LDLRAD4: variants seen among roughly 807,000 people sequenced by gnomAD.
LDLRAD4 encodes low-density lipoprotein receptor class A domain-containing protein 4.
LDLRAD4 carries 5 observed loss-of-function variants against 17.0 expected under a neutral mutation model. That is an observed-to-expected ratio of 0.29 (90% CI 0.15 to 0.62). The LOEUF (loss-of-function observed/expected upper bound fraction) is 0.62. Ranked by LOEUF, LDLRAD4 falls within the 20% of genes least tolerant of loss-of-function variation. The probability of loss-of-function intolerance (pLI) is 0.84; values close to 1 mark genes in which losing one functional copy is unlikely to be tolerated. For missense variants in LDLRAD4, 340 were observed against 424.7 expected (o/e 0.80, Z 1.75); for synonymous variants, 168 against 171.8 (o/e 0.98, Z 0.17).
At position 13,315,484 on chromosome 18, in the gene LDLRAD4, G is replaced by T. The variant is rs976930243; in HGVS notation, c.-383+37296G>T. On this transcript the variant is annotated intron_variant, in intron 1 of 5. Coordinates refer to ENST00000359446, the Ensembl canonical transcript of LDLRAD4. ...TCAAGAAAGTAGAGGACAAGATGGA[G>T]AATTGCACAAATAAAATGGAATGTA... Among the ~76,000 whole-genome samples, 10 of 152,298 alleles carry T rather than the reference G, an allele frequency of 6.6e-5. No homozygotes were observed. In the South Asian group the frequency reaches 2.1e-3, roughly 32 times the overall value.
chr18:13,319,481 C>T (rs913079789), intron 1 of LDLRAD4, among the ~76,000 whole-genome samples: 2 of 152,112 alleles, frequency 1.3e-5, no homozygotes, highest in East Asian at 1.9e-4. Flanking sequence ...GGACTTGTAC[C>T]CTCTCCCTGC....
intron 1 of LDLRAD4, among the ~76,000 whole-genome samples, chr18:13,352,315 C>T (rs183702172): frequency 1.9e-4 from 29 of 152,216 alleles, no homozygotes; most frequent in African/African-American, 5.3e-4. Flanking sequence ...GAATAGAGGA[C>T]GTCAAATTGT....
chr18:13,280,128 C>G (rs1463010177), intron 1 of LDLRAD4: 1 of 152,238 alleles, frequency 6.6e-6, no homozygotes, highest in African/African-American at 2.4e-5. Context: ...AAAATGCAGC[C>G]TGGTCCCCGT....
intron 1 of LDLRAD4, among the ~76,000 whole-genome samples, chr18:13,257,961 A>G (rs1567940330): frequency 1.3e-5 from 2 of 152,224 alleles, no homozygotes; most frequent in Non-Finnish European, 2.9e-5. Flanking sequence ...TGCCAGGCTG[A>G]GGCAGAAGGA....
chr18:13,549,667 T>G (rs988071473), intron 3 of LDLRAD4, among the ~76,000 whole-genome samples: 1 of 151,752 alleles, frequency 6.6e-6, no homozygotes, highest in African/African-American at 2.4e-5. Context: ...GGAGGAAACT[T>G]AGAGAACAGA....
chr18:13,356,909 G>C (rs1235540663), intron 1 of LDLRAD4, among the ~76,000 whole-genome samples: 1 of 152,178 alleles, frequency 6.6e-6, no homozygotes. Flanking sequence ...CGAGGTGGAG[G>C]GATCACGTGA....
At chr18:13,421,743 T>C (rs941415283) in intron 2 of LDLRAD4, among the ~76,000 whole-genome samples, 2 of 152,158 alleles carry the variant, frequency 1.3e-5, no homozygotes, top group Admixed American at 6.5e-5. Flanking sequence ...TTTGTAGAAT[T>C]AAAAGATACC....
chr18:13,375,807 C>G (rs1283929628), intron 1 of LDLRAD4, among the ~76,000 whole-genome samples: 1 of 152,176 alleles, frequency 6.6e-6, no homozygotes, highest in Admixed American at 6.5e-5. Context: ...GAGGCCTTCT[C>G]CTCCTCGTTT....
At position 13,621,876 on chromosome 18, in the gene LDLRAD4, T is replaced by G. The variant is rs917626096; in HGVS notation, c.336+605T>G. Among the ~76,000 whole-genome samples, 4 of 140,324 alleles carry G rather than the reference T, an allele frequency of 2.9e-5. No individual in the cohort carries two copies. Among genetic ancestry groups the G allele is most frequent in the South Asian group, 2.4e-4 (1 of 4,140 alleles). 92.1% of individuals were successfully genotyped at this position (140,324 alleles called of 152,430 possible). A position where few individuals can be genotyped will look rare whatever the true frequency, so the allele number is the denominator to read the frequency against. Reference sequence around the variant, plus strand: ...TTGTGGAGGGTGGGGTTGTGGAGGGTGGGGTTGTCGGCGGTGGACCCTCAA... The same window carrying G: ...TTGTGGAGGGTGGGGTTGTGGAGGGGGGGGTTGTCGGCGGTGGACCCTCAA... On this transcript the variant is annotated intron_variant, in intron 4 of 5. Coordinates refer to ENST00000359446, the Ensembl canonical transcript of LDLRAD4. This position sits in a 1 kb window ranked among gnomAD's most constrained non-coding sequence, Gnocchi z 5.5.
At chr18:13,583,995 G>A (rs1310274687) in intron 3 of LDLRAD4, among the ~76,000 whole-genome samples, 2 of 152,082 alleles carry the variant, frequency 1.3e-5, no homozygotes, top group East Asian at 3.9e-4. Context: ...GGCTTCCCTT[G>A]AGGACCACCA....
intron 2 of LDLRAD4, among the ~76,000 whole-genome samples, chr18:13,390,882 G>T (rs2086224826): frequency 6.6e-6 from 1 of 152,220 alleles, no homozygotes; most frequent in Admixed American, 6.5e-5. Context: ...GGTCCCTGGA[G>T]ACTTGGCTCA....
At chr18:13,525,792 C>T (rs534282179) in intron 3 of LDLRAD4, among the ~76,000 whole-genome samples, 3 of 152,318 alleles carry the variant, frequency 2.0e-5, no homozygotes, top group Admixed American at 6.5e-5. Flanking sequence ...GACTATGAGA[C>T]GTGCTGTGCC....
At chr18:13,448,747 G>A (rs1194866652) in intron 3 of LDLRAD4, among the ~76,000 whole-genome samples, 1 of 152,106 alleles carries the variant, frequency 6.6e-6, no homozygotes, top group Non-Finnish European at 1.5e-5. Flanking sequence ...CGCTAATCAC[G>A]TCTTGGTCTT....
intron 2 of LDLRAD4, among the ~76,000 whole-genome samples, chr18:13,409,986 A>G (rs57604422): frequency 0.058 from 8,793 of 152,218 alleles, 579 homozygotes; most frequent in African/African-American, 0.15. Flanking sequence ...CACACGTGGT[A>G]CCCCAGGGCA....
chr18:13,252,158 C>T (rs971587132), intron 1 of LDLRAD4, among the ~76,000 whole-genome samples: 36 of 152,188 alleles, frequency 2.4e-4, no homozygotes, highest in Admixed American at 8.5e-4. Flanking sequence ...GAGTTTTGCT[C>T]TTGTTGCCCA....
intron 2 of LDLRAD4, among the ~76,000 whole-genome samples, chr18:13,436,514 T>G (rs918140939): frequency 5.9e-5 from 9 of 152,218 alleles, no homozygotes; most frequent in Admixed American, 6.5e-5. Context: ...TAGTATTCCT[T>G]TTTCCCAATC....
rs1365704794 is a variant in LDLRAD4 at position 13,619,864 on chromosome 18, A to G, written c.182-1253A>G. On this transcript the variant is annotated intron_variant, in intron 3 of 5. Transcript: ENST00000359446. ...CTTGGCAGGTCCACCTGCTCTCTGC[A>G]CAGCTCAGCCACCAGCCTCCTACAC... Among the ~76,000 whole-genome samples, 3 of 152,108 alleles carry G rather than the reference A, an allele frequency of 2.0e-5. No individual in the cohort carries two copies. The East Asian group carries it at 5.8e-4, about 30-fold the overall frequency.
At chr18:13,513,664 T>C (rs570014674) in intron 3 of LDLRAD4, among the ~76,000 whole-genome samples, 2 of 152,312 alleles carry the variant, frequency 1.3e-5, no homozygotes, top group East Asian at 1.9e-4. Context: ...TTTCTTGCTA[T>C]GTTCAAATCA....
chr18:13,564,679 C>G (rs374952915), intron 3 of LDLRAD4, among the ~76,000 whole-genome samples: 10 of 139,804 alleles, frequency 7.2e-5, no homozygotes, highest in Non-Finnish European at 1.6e-4. Context: ...CGCAGACCCA[C>G]GACCCCGCCT....
Sources: gnomAD v4.1 joint callset for allele counts (sites outside exome capture counted in the v4.1 genomes callset) on GRCh38, gnomAD v4.1.1 for gene constraint, Gnocchi (gnomAD v3.1) non-coding constraint, MANE v1.5 for transcripts, NCBI Gene and HGNC (gene_info 2026-07-23, HGNC 2026-07-21) for gene names.